Variants in BRF1 observed in about 807,000 individuals in gnomAD.
The protein encoded by BRF1 is transcription factor IIIB 90 kDa subunit.
BRF1 carries 59 observed loss-of-function variants against 81.7 expected under a neutral mutation model. That is an observed-to-expected ratio of 0.72 (90% CI 0.59 to 0.90). The LOEUF (loss-of-function observed/expected upper bound fraction) is 0.90, where lower values mean the gene tolerates loss of function less well. Ranked by LOEUF, BRF1 falls within the 40% of genes least tolerant of loss-of-function variation. BRF1 has a pLI of 0.00. For missense variants in BRF1, 1,050 were observed against 936.3 expected (o/e 1.12, Z -1.58); for synonymous variants, 491 against 395.6 (o/e 1.24, Z -2.86).
In BRF1 at chr14:105,226,629, G is replaced by A. The variant is rs758038542; in HGVS notation, c.915+5C>T. ...AGCACAGACAGACACCAAAGCCGGC[G>A]CTACCTGCTTCATCCGCAGCTTCCT... On this transcript the variant is annotated splice_donor_5th_base_variant and intron_variant, in intron 8 of 17. Transcript: ENST00000547530. 7.4e-6 allele frequency: 12 copies of A among 1,612,792 alleles called. No individual in the cohort carries two copies. The highest frequency in any genetic ancestry group is 2.7e-5 in the African/African-American group (2 of 74,922).
chr14:105,241,240 C>T (rs57108874), intron 6 of BRF1, 25 bp downstream of exon 6: 11 of 1,607,118 alleles, frequency 6.8e-6, no homozygotes, highest in Non-Finnish European at 8.5e-6. Flanking sequence ...ACCAGCATCC[C>T]CCAGGCAGGC....
chr14:105,249,814 G>A, intron 5 of BRF1: 1 of 1,613,618 alleles, frequency 6.2e-7, no homozygotes, highest in Non-Finnish European at 8.5e-7. Flanking sequence ...TGTTTGAGGA[G>A]CCCGAGCTGA....
Position 105,209,369 on chromosome 14 carries a change from G to A in BRF1, c.*1182C>T. 1 of 593,146 alleles carries A rather than the reference G, an allele frequency of 1.7e-6. No homozygotes were observed. The highest frequency in any genetic ancestry group is 2.9e-5 in the East Asian group (1 of 33,954). 36.7% of individuals were successfully genotyped at this position (593,146 alleles called of 1,614,324 possible). ...CTCGAGAAGCCCTGGCAGGACCCAG[G>A]CTGGCTACTGAGCTCTGGGCGGGGG... is the stretch of plus-strand genomic sequence containing the variant. On this transcript the variant is annotated 3_prime_UTR_variant, in exon 18 of 18. Transcript: ENST00000547530.
chr14:105,248,052 G>A, intron 5 of BRF1: 1 of 985,534 alleles, frequency 1.0e-6, no homozygotes, highest in Non-Finnish European at 1.2e-6. Context: ...CGCCGGCTGT[G>A]TGACCTTCAG....
chr14:105,267,335 A>G (rs1362253330), intron 3 of BRF1, among the ~76,000 whole-genome samples: 4 of 149,682 alleles, frequency 2.7e-5, no homozygotes, highest in Non-Finnish European at 5.9e-5. Flanking sequence ...GACGGGGCTC[A>G]CTCTATTGCC....
Position 105,221,719 on chromosome 14 carries a change from AG to A in BRF1, c.1243del (p.Leu415SerfsTer48). The A allele has an allele frequency of 6.3e-7, 1 of 1,598,440 alleles. No homozygotes were observed. The highest frequency in any genetic ancestry group is 8.5e-7 in the Non-Finnish European group (1 of 1,172,696). On this transcript the variant is annotated frameshift_variant, in exon 11 of 18. Transcript: ENST00000547530. LOFTEE classifies it high-confidence loss of function. ...PPALGSLLDPLPTAASLGISD... is the reference protein window; with the variant it reads ...PPALGSLLDPXPTAASLGISD... ...GATGCCCAGGCTGGCTGCAGTGGGGAGGGGGTCCAGCAGGGACCCCAGGGCC... is the reference window on the plus strand; with the variant it reads ...GATGCCCAGGCTGGCTGCAGTGGGGAGGGGTCCAGCAGGGACCCCAGGGCC...
chr14:105,307,173 G>C (rs1156470347), intron 1 of BRF1, among the ~76,000 whole-genome samples: 1 of 151,876 alleles, frequency 6.6e-6, no homozygotes, highest in Non-Finnish European at 1.5e-5. Context: ...GCCTCCCAAA[G>C]TACTGAGATC....
intron 5 of BRF1, among the ~76,000 whole-genome samples, chr14:105,245,216 C>T (rs1350933652): frequency 6.6e-6 from 1 of 152,036 alleles, no homozygotes; most frequent in Non-Finnish European, 1.5e-5. Context: ...AAAAAATTAG[C>T]CGGGCATGGT....
At position 105,228,995 on chromosome 14, in the gene BRF1, A is replaced by T. The variant is rs1452439672; in HGVS notation, c.695-82T>A. The T allele has an allele frequency of 3.1e-6, 4 of 1,284,600 alleles. No homozygotes were observed. The East Asian group carries it at 7.0e-5, about 22-fold the overall frequency. 79.6% of individuals were successfully genotyped at this position (1,284,600 alleles called of 1,614,324 possible). On this transcript the variant is annotated intron_variant, in intron 6 of 17. Coordinates refer to ENST00000547530, the MANE Select transcript of BRF1 (RefSeq NM_001519.4). ...GTGGCGGCCCAGGACAACACTGCGGATCCCGGTCACGGAGATGATGGCCTG... is the reference window on the plus strand; with the variant it reads ...GTGGCGGCCCAGGACAACACTGCGGTTCCCGGTCACGGAGATGATGGCCTG...
intron 1 of BRF1, among the ~76,000 whole-genome samples, chr14:105,297,207 A>C (rs2057783207): frequency 6.6e-6 from 1 of 152,170 alleles, no homozygotes; most frequent in Non-Finnish European, 1.5e-5. Context: ...ACACTGACAG[A>C]CTATATCAAA....
At position 105,252,493 on chromosome 14, in the gene BRF1, A is replaced by T. The variant is rs771956229; in HGVS notation, c.544+14T>A. 2 of 1,612,570 alleles carry T rather than the reference A, an allele frequency of 1.2e-6. No individual in the cohort carries two copies. Among genetic ancestry groups the T allele is most frequent in the East Asian group, 4.5e-5 (2 of 44,860 alleles). ...AGCCTGCCGGACACCCCAGCATCTC[A>T]CCCAGATGCCTACCTATGGCCGGCG... On this transcript the variant is annotated intron_variant, in intron 5 of 17. Transcript: ENST00000547530.
rs2056581631 is a variant in BRF1 at position 105,269,764 on chromosome 14, G to T, written c.439+2957C>A. Among the ~76,000 whole-genome samples the T allele has an allele frequency of 6.6e-6, 1 of 152,164 alleles. No individual in the cohort carries two copies. The highest frequency in any genetic ancestry group is 2.4e-5 in the African/African-American group (1 of 41,436). The stretch of plus-strand genomic sequence containing the variant: ...TCCCAGGGCATCTGTCCCCCCCACA[G>T]GAGGCCCAGTGAGGCAGCAGCATGG... On this transcript the variant is annotated intron_variant, in intron 3 of 17. Transcript: ENST00000547530. This position sits in a 1 kb window ranked among gnomAD's most constrained non-coding sequence, Gnocchi z 5.0.
chr14:105,216,772 T>C (rs768534910), intron 15 of BRF1, among the ~76,000 whole-genome samples: 2 of 151,854 alleles, frequency 1.3e-5, no homozygotes, highest in Non-Finnish European at 2.9e-5. Flanking sequence ...ACGCAAGAGA[T>C]CCCAAGAAGC....
upstream of BRF1, among the ~76,000 whole-genome samples, chr14:105,302,248 G>A (rs1317932289): frequency 6.8e-6 from 1 of 147,890 alleles, no homozygotes; most frequent in Non-Finnish European, 1.5e-5. Context: ...CTGTTGCCCA[G>A]GCTGGAGTGC....
At chr14:105,301,041 C>T (rs905200419), upstream of BRF1, 2 of 151,662 alleles carry the variant, frequency 1.3e-5, no homozygotes, top group African/African-American at 4.9e-5. Flanking sequence ...CAGCCCGGGA[C>T]TGGAGTTTGG....
At chr14:105,248,362 T>C in intron 5 of BRF1, 3 of 985,446 alleles carry the variant, frequency 3.0e-6, no homozygotes, top group Non-Finnish European at 3.6e-6. Flanking sequence ...CGCATGGCAC[T>C]GCGGGTCTGG....
intron 1 of BRF1, among the ~76,000 whole-genome samples, chr14:105,294,418 A>C (rs1362302123): frequency 6.6e-6 from 1 of 152,232 alleles, no homozygotes; most frequent in Non-Finnish European, 1.5e-5. Context: ...CAGTGAGGGC[A>C]GTGCGCTGTC....
In BRF1 at chr14:105,226,289, A is replaced by G. The variant is rs1893073336; in HGVS notation, c.917T>C (p.Leu306Pro). ...AGQRKLRMKQLEQVLSKKLEE... is the reference protein window; with the variant it reads ...AGQRKLRMKQPEQVLSKKLEE... ...CAGTTTTTTTGACAGGACTTGTTCA[A>G]GCTGAAAGGGAACAGGGCAAGAGGC... The change falls in exon 9 of 18, where the codon CTT (leucine) becomes CCT (proline). Residue 306 changes from leucine to proline, a missense_variant and splice_region_variant. Leu to Pro is a moderately conservative substitution (Grantham distance 98). Coordinates refer to ENST00000547530, the MANE Select transcript of BRF1 (RefSeq NM_001519.4). 2 of 1,613,946 alleles carry G rather than the reference A, an allele frequency of 1.2e-6. No homozygotes were observed. Among genetic ancestry groups the G allele is most frequent in the East Asian group, 2.2e-5 (1 of 44,878 alleles).
chr14:105,262,501 A>C (rs587736064), intron 3 of BRF1, among the ~76,000 whole-genome samples: 2 of 152,340 alleles, frequency 1.3e-5, no homozygotes, highest in South Asian at 4.1e-4. Flanking sequence ...GCCACACCCC[A>C]CGGTGGGCTC....
Sources: gnomAD v4.1 joint callset for allele counts (sites outside exome capture counted in the v4.1 genomes callset) on GRCh38, gnomAD v4.1.1 for gene constraint, Gnocchi (gnomAD v3.1) non-coding constraint, MANE v1.5 for transcripts, NCBI Gene and HGNC (gene_info 2026-07-23, HGNC 2026-07-21) for gene names.